NXNL2: variants seen among roughly 807,000 people sequenced by gnomAD.
NXNL2 encodes the protein nucleoredoxin like 2.
In NXNL2, 7 loss-of-function variants were observed where a neutral mutation model predicts 11.1. The ratio of observed to expected loss-of-function variants is 0.63; its 90% CI spans 0.36 to 1.18. The LOEUF (loss-of-function observed/expected upper bound fraction) is 1.18, where lower values mean the gene tolerates loss of function less well. Among genes scored for constraint, NXNL2 ranks in the 50% most tolerant of loss-of-function variants. The pLI is 0.02. For missense variants in NXNL2, 233 were observed against 217.7 expected (o/e 1.07, Z -0.44); for synonymous variants, 109 against 101.8 (o/e 1.07, Z -0.42).
intron 1 of NXNL2, among the ~76,000 whole-genome samples, chr9:88,568,221 C>T (rs958976399): frequency 4.6e-5 from 7 of 152,218 alleles, no homozygotes; most frequent in Non-Finnish European, 7.3e-5. Flanking sequence ...CTAACTGCAT[C>T]TTTAACAATG....
At chr9:88,555,427 C>A (rs1829994991) in intron 1 of NXNL2, among the ~76,000 whole-genome samples, 1 of 152,042 alleles carries the variant, frequency 6.6e-6, no homozygotes, top group East Asian at 1.9e-4. Context: ...GTGGGAGTGT[C>A]TTTTAGCATG....
At chr9:88,536,115 TC>T (rs1465243327) in intron 1 of NXNL2, among the ~76,000 whole-genome samples, 1 of 152,094 alleles carries the variant, frequency 6.6e-6, no homozygotes, top group Non-Finnish European at 1.5e-5. Context: ...AGCCCTGGAC[TC>T]CCGGCGCCGC....
At chr9:88,563,252 G>T (rs1564074136) in intron 1 of NXNL2, among the ~76,000 whole-genome samples, 1 of 152,206 alleles carries the variant, frequency 6.6e-6, no homozygotes, top group Non-Finnish European at 1.5e-5. Flanking sequence ...ACATATGTGT[G>T]TACACACACA....
At chr9:88,564,222 A>G (rs78639323) in intron 1 of NXNL2, among the ~76,000 whole-genome samples, 1 of 150,844 alleles carries the variant, frequency 6.6e-6, no homozygotes, top group Non-Finnish European at 1.5e-5. Flanking sequence ...AAAAAAAAAA[A>G]AGCCCTTCTC....
At chr9:88,563,724 A>G (rs1795110829) in intron 1 of NXNL2, among the ~76,000 whole-genome samples, 1 of 151,708 alleles carries the variant, frequency 6.6e-6, no homozygotes, top group Admixed American at 6.6e-5. Context: ...TCCCCTCCAG[A>G]CACACCACCC....
intron 1 of NXNL2, among the ~76,000 whole-genome samples, chr9:88,539,992 T>C (rs1587840336): frequency 6.6e-6 from 1 of 152,076 alleles, no homozygotes; most frequent in South Asian, 2.1e-4. Flanking sequence ...CACACATTTT[T>C]GTTTTATGCC....
At chr9:88,582,689 TTGA>T (rs1161390005) in intron 1 of NXNL2, among the ~76,000 whole-genome samples, 1 of 150,852 alleles carries the variant, frequency 6.6e-6, no homozygotes, top group Non-Finnish European at 1.5e-5. Context: ...CTTTCTTCTT[TTGA>T]CAGTCTTGCT....
At chr9:88,543,098 A>G (rs929621009) in intron 1 of NXNL2, among the ~76,000 whole-genome samples, 17 of 152,130 alleles carry the variant, frequency 1.1e-4, no homozygotes, top group Admixed American at 9.8e-4. Flanking sequence ...AATGAATACA[A>G]ATAATTTTGT....
intron 1 of NXNL2, among the ~76,000 whole-genome samples, chr9:88,537,788 A>G (rs1829660489): frequency 6.6e-6 from 1 of 152,120 alleles, no homozygotes; most frequent in South Asian, 2.1e-4. Context: ...ATCCCCAGGG[A>G]GTGTGTTTGG....
intron 1 of NXNL2, among the ~76,000 whole-genome samples, chr9:88,557,769 CT>C (rs879256311): frequency 2.0e-5 from 3 of 152,212 alleles, no homozygotes; most frequent in Admixed American, 2.0e-4. Context: ...ATCAGAATCC[CT>C]GCAGTCACTC....
At chr9:88,549,311 G>A (rs574244891), downstream of NXNL2, among the ~76,000 whole-genome samples, 6 of 152,216 alleles carry the variant, frequency 3.9e-5, no homozygotes, top group Admixed American at 6.5e-5. Flanking sequence ...AATGATCCCC[G>A]GGCTGCTCCA....
intron 1 of NXNL2, among the ~76,000 whole-genome samples, chr9:88,550,959 C>G (rs1288538997): frequency 2.6e-5 from 4 of 152,172 alleles, no homozygotes; most frequent in Non-Finnish European, 5.9e-5. Flanking sequence ...TTATTTACTT[C>G]TCAAGGCTGG....
At chr9:88,565,331 A>G (rs1050304138) in intron 1 of NXNL2, among the ~76,000 whole-genome samples, 5 of 152,202 alleles carry the variant, frequency 3.3e-5, no homozygotes. Flanking sequence ...GGGACTGCAG[A>G]TATCTTTCTG....
intron 1 of NXNL2, among the ~76,000 whole-genome samples, chr9:88,542,520 C>T (rs1053444545): frequency 1.3e-5 from 2 of 151,976 alleles, no homozygotes; most frequent in Non-Finnish European, 2.9e-5. Context: ...AAACTCCTGA[C>T]TTCATGATCT....
intron 1 of NXNL2, among the ~76,000 whole-genome samples, chr9:88,568,920 C>T (rs1253340531): frequency 6.6e-6 from 1 of 151,544 alleles, no homozygotes; most frequent in Non-Finnish European, 1.5e-5. Context: ...TTTTGTTTTA[C>T]ATCTCTTGAT....
At chr9:88,548,130 G>A (rs1297385250), downstream of NXNL2, among the ~76,000 whole-genome samples, 2 of 150,076 alleles carry the variant, frequency 1.3e-5, no homozygotes, top group South Asian at 2.1e-4. Context: ...CCTGAGGTCA[G>A]GAGTTCAAGA....
downstream of NXNL2, among the ~76,000 whole-genome samples, chr9:88,576,334 C>T (rs1425541785): frequency 1.3e-5 from 2 of 152,250 alleles, no homozygotes; most frequent in Non-Finnish European, 2.9e-5. Context: ...CCTTTTATAC[C>T]TGGTTCAACA....
chr9:88,568,575 C>T (rs971948858), intron 1 of NXNL2, among the ~76,000 whole-genome samples: 4 of 152,216 alleles, frequency 2.6e-5, no homozygotes, highest in African/African-American at 4.8e-5. Flanking sequence ...TATGTTTATA[C>T]TTGGGCCTCT....
At chr9:88,536,373 C>T (rs529896718) in intron 1 of NXNL2, among the ~76,000 whole-genome samples, 1 of 152,250 alleles carries the variant, frequency 6.6e-6, no homozygotes, top group South Asian at 2.1e-4. Context: ...GCATAAAACT[C>T]ATTACTATAA....
Sources: allele counts gnomAD v4.1 joint callset (sites outside exome capture counted in the v4.1 genomes callset), GRCh38; gene constraint gnomAD v4.1.1; transcripts MANE v1.5; gene names NCBI Gene and HGNC (gene_info 2026-07-23, HGNC 2026-07-21).